Variants in ADGRB1 observed in about 807,000 individuals in gnomAD.
The protein encoded by ADGRB1 is adhesion G protein-coupled receptor B1.
In ADGRB1, 36 loss-of-function variants were observed where a neutral mutation model predicts 175.7. The ratio of observed to expected loss-of-function variants is 0.20; its 90% CI spans 0.16 to 0.27. The LOEUF (loss-of-function observed/expected upper bound fraction) is 0.27, where lower values mean the gene tolerates loss of function less well. Ranked by LOEUF, ADGRB1 falls within the 10% of genes least tolerant of loss-of-function variation. The pLI, the probability that ADGRB1 is intolerant of heterozygous loss-of-function variation, is 1.00. For synonymous variants in ADGRB1, 1,054 were observed against 979.4 expected (o/e 1.08, Z -1.42); for missense variants, 1,731 against 2,255.3 (o/e 0.77, Z 4.71).
At position 142,543,957 on chromosome 8, in the gene ADGRB1, G is replaced by A. The variant is rs1052028658; in HGVS notation, c.4557+249G>A. Among the ~76,000 whole-genome samples the A allele has an allele frequency of 6.6e-6, 1 of 152,128 alleles. No homozygotes were observed. Among genetic ancestry groups the A allele is most frequent in the Non-Finnish European group, 1.5e-5 (1 of 68,018 alleles). ...GGCCAGGGGTCTGGATTGGGGTGGAGCCAATCCAGGGCAGGGTCCCCACAG... is the reference window on the plus strand; with the variant it reads ...GGCCAGGGGTCTGGATTGGGGTGGAACCAATCCAGGGCAGGGTCCCCACAG... On this transcript the variant is annotated intron_variant, in intron 30 of 30. Transcript: ENST00000517894. This position sits in a 1 kb window ranked among gnomAD's most constrained non-coding sequence, Gnocchi z 4.4.
At chr8:142,469,625 G>A (rs930996872) in intron 2 of ADGRB1, among the ~76,000 whole-genome samples, 1 of 151,516 alleles carries the variant, frequency 6.6e-6, no homozygotes, top group African/African-American at 2.4e-5. Flanking sequence ...GTATGCACGT[G>A]CATGTGTGTA....
chr8:142,509,077 C>G (rs13278404), intron 17 of ADGRB1, among the ~76,000 whole-genome samples: 135,962 of 152,332 alleles, frequency 0.89, 60,905 homozygotes, highest in African/African-American at 0.97. Flanking sequence ...GGCATTCTCA[C>G]GGGTCTCCCC....
rs535932294 is a variant in ADGRB1, at chr8:142,501,617, G to A, written c.2676-9315G>A. Among the ~76,000 whole-genome samples the A allele has an allele frequency of 1.2e-4, 17 of 146,288 alleles. 2 individuals are homozygous for A. The highest frequency in any genetic ancestry group is 4.6e-4 in the African/African-American group (17 of 37,210). ...GGGTGGTGGTAGTGATGACTGTGTG[G>A]TTTTGACGATGGAGGTGGGGTGGTG... On this transcript the variant is annotated intron_variant, in intron 17 of 30. Coordinates refer to ENST00000517894, the MANE Select transcript of ADGRB1 (RefSeq NM_001702.3).
At chr8:142,452,998 T>C (rs1839446816) in intron 1 of ADGRB1, among the ~76,000 whole-genome samples, 1 of 147,912 alleles carries the variant, frequency 6.8e-6, no homozygotes, top group South Asian at 2.1e-4. Flanking sequence ...CGGCCCCATC[T>C]TGGGCAGCCC....
chr8:142,543,527 G>T lies in ADGRB1; in HGVS notation c.4450-74G>T. The T allele has an allele frequency of 3.8e-6, 6 of 1,596,422 alleles. No individual in the cohort carries two copies. The highest frequency in any genetic ancestry group is 5.1e-6 in the Non-Finnish European group (6 of 1,170,760). On this transcript the variant is annotated intron_variant, in intron 29 of 30. Coordinates refer to ENST00000517894, the MANE Select transcript of ADGRB1 (RefSeq NM_001702.3). The surrounding 1 kb of genome is among the most constrained non-coding windows in gnomAD (Gnocchi z 4.4). Reference sequence around the variant, plus strand: ...GCCAGGCAGCTCCCCGGCAGCCAGGGGACGGGCGGGGCAGGCAGGATGGGC... The same window carrying T: ...GCCAGGCAGCTCCCCGGCAGCCAGGTGACGGGCGGGGCAGGCAGGATGGGC...
At chr8:142,515,680 C>T (rs1218451458) in intron 18 of ADGRB1, among the ~76,000 whole-genome samples, 3 of 151,754 alleles carry the variant, frequency 2.0e-5, no homozygotes, top group Non-Finnish European at 4.4e-5. Flanking sequence ...CCCTGGACCT[C>T]AGCTCTGCGC....
intron 23 of ADGRB1, among the ~76,000 whole-genome samples, chr8:142,525,310 C>T (rs1487613524): frequency 2.0e-5 from 3 of 151,848 alleles, no homozygotes; most frequent in Non-Finnish European, 4.4e-5. Flanking sequence ...TGGCGGTACC[C>T]CAGGCACCTG....
chr8:142,507,052 C>A (rs1390273026), intron 17 of ADGRB1, among the ~76,000 whole-genome samples: 1 of 152,216 alleles, frequency 6.6e-6, no homozygotes, highest in African/African-American at 2.4e-5. Flanking sequence ...GATTCCAGGC[C>A]CACTGCTGTC....
chr8:142,508,241 G>A (rs1046294791), intron 17 of ADGRB1, among the ~76,000 whole-genome samples: 4 of 152,164 alleles, frequency 2.6e-5, no homozygotes, highest in African/African-American at 9.7e-5. Flanking sequence ...ACCAGCCAGG[G>A]CTTAGCGGCT....
At chr8:142,532,150 G>A (rs1025745113) in intron 24 of ADGRB1, among the ~76,000 whole-genome samples, 5 of 152,150 alleles carry the variant, frequency 3.3e-5, no homozygotes, top group African/African-American at 1.2e-4. Context: ...GTAGGAGGAG[G>A]GGAGGAGGGA....
Position 142,544,653 on chromosome 8 carries a change from A to C in ADGRB1, c.*236A>C. ...GCACCAGAGGCCGAAGGTGCCTCAG[A>C]CTCCGCCCTCCTCGGGCCGAGGCCC... is the stretch of plus-strand genomic sequence containing the variant. On this transcript the variant is annotated 3_prime_UTR_variant, in exon 31 of 31. Coordinates refer to ENST00000517894, the MANE Select transcript of ADGRB1 (RefSeq NM_001702.3). 1.8e-5 allele frequency: 7 copies of C among 397,792 alleles called. No homozygotes were observed. The highest frequency in any genetic ancestry group is 1.5e-4 in the South Asian group (2 of 13,092). The allele number at this position is 397,792 out of a possible 1,614,324, so 24.6% of individuals were successfully genotyped here.
rs542278638 is a variant in ADGRB1, at chr8:142,474,773, C to A, written c.785-701C>A. On this transcript the variant is annotated intron_variant, in intron 2 of 30. Transcript: ENST00000517894. The surrounding 1 kb of genome is among the most constrained non-coding windows in gnomAD (Gnocchi z 5.8). ...GACTCACTAGAGAAGCTGAACAGAGCGGCCGGGGTCAGGGCAGGGGCGTGG... is the reference window on the plus strand; with the variant it reads ...GACTCACTAGAGAAGCTGAACAGAGAGGCCGGGGTCAGGGCAGGGGCGTGG... 6.6e-6 allele frequency among the ~76,000 whole-genome samples: 1 copy of A among 152,122 alleles called. No individual in the cohort carries two copies. Among genetic ancestry groups the A allele is most frequent in the African/African-American group, 2.4e-5 (1 of 41,438 alleles).
intron 18 of ADGRB1, among the ~76,000 whole-genome samples, chr8:142,516,480 T>C (rs1482130411): frequency 8.0e-5 from 9 of 111,834 alleles, no homozygotes; most frequent in Non-Finnish European, 1.4e-4. Flanking sequence ...TGTGTGTGTG[T>C]GCGCGCGCGT....
intron 22 of ADGRB1, among the ~76,000 whole-genome samples, chr8:142,523,882 C>T (rs1047385279): frequency 1.3e-5 from 2 of 152,008 alleles, no homozygotes; most frequent in African/African-American, 2.4e-5. Flanking sequence ...GAAGGAGGGT[C>T]GGCCAGAGAC....
intron 2 of ADGRB1, among the ~76,000 whole-genome samples, chr8:142,467,030 A>G (rs1015691916): frequency 6.6e-6 from 1 of 152,230 alleles, no homozygotes; most frequent in African/African-American, 2.4e-5. Flanking sequence ...AGTGCTCGGA[A>G]CAGCGTGGAG....
At chr8:142,490,513 A>T (rs1587329553) in intron 16 of ADGRB1, among the ~76,000 whole-genome samples, 1 of 152,298 alleles carries the variant, frequency 6.6e-6, no homozygotes, top group East Asian at 1.9e-4. Context: ...CAGCCTGGCC[A>T]CTGGACCTGG....
At chr8:142,462,691 G>A (rs1010093464) in intron 1 of ADGRB1, among the ~76,000 whole-genome samples, 2 of 152,254 alleles carry the variant, frequency 1.3e-5, no homozygotes, top group South Asian at 2.1e-4. Flanking sequence ...GCATTTGTGC[G>A]GTCAGCAGAG....
chr8:142,512,224 T>C (rs1843147474), intron 18 of ADGRB1, among the ~76,000 whole-genome samples: 1 of 152,164 alleles, frequency 6.6e-6, no homozygotes, highest in African/African-American at 2.4e-5. Context: ...GGGGTCTGTG[T>C]CCCTGACCAT....
chr8:142,478,909 A>G, intron 7 of ADGRB1, among the ~76,000 whole-genome samples: 1 of 130,244 alleles, frequency 7.7e-6, no homozygotes, highest in African/African-American at 3.0e-5. Flanking sequence ...GGGGAAGTGG[A>G]GTGTGGGGTG....
Sources: allele counts gnomAD v4.1 joint callset (sites outside exome capture counted in the v4.1 genomes callset), GRCh38; gene constraint gnomAD v4.1.1; non-coding constraint Gnocchi (gnomAD v3.1); transcripts MANE v1.5; gene names NCBI Gene and HGNC (gene_info 2026-07-23, HGNC 2026-07-21).